The following NUP62CL variants were observed in gnomAD, a reference collection of about 807,000 sequenced individuals.
NUP62CL encodes the protein nucleoporin 62 C-terminal like.
In NUP62CL, 13 loss-of-function variants were observed where a neutral mutation model predicts 15.3. That is an observed-to-expected ratio of 0.85 (90% CI 0.55 to 1.35). The LOEUF (loss-of-function observed/expected upper bound fraction) is 1.35. Ranked by LOEUF, NUP62CL falls within the 40% of genes most tolerant of loss-of-function variation. NUP62CL has a pLI of 0.00. For missense variants in NUP62CL, 123 were observed against 130.6 expected, an observed-to-expected ratio of 0.94 and a Z score of 0.28; for synonymous variants, 54 against 49.2, an observed-to-expected ratio of 1.10 and a Z score of -0.41.
chrX:107,195,111 G>A (rs762173812), intron 1 of NUP62CL, among the ~76,000 whole-genome samples: 1 of 110,876 alleles, frequency 9.0e-6, no homozygotes, highest in African/African-American at 3.3e-5. Flanking sequence ...CACCGTGCCA[G>A]GCCCCAATTG....
intron 1 of NUP62CL, among the ~76,000 whole-genome samples, chrX:107,203,521 C>G (rs758621198): frequency 2.8e-4 from 31 of 111,090 alleles, no homozygotes; most frequent in African/African-American, 9.8e-4. Flanking sequence ...GCTGGGATTA[C>G]AGGTGTGAGC....
chrX:107,141,949 A>G (rs1925779294), intron 8 of NUP62CL, among the ~76,000 whole-genome samples: 1 of 109,083 alleles, frequency 9.2e-6, no homozygotes, highest in Non-Finnish European at 1.9e-5. Flanking sequence ...AGTCCCAGCT[A>G]CTCGGGAGGC....
At chrX:107,128,446 G>A (rs1408698594) in intron 8 of NUP62CL, among the ~76,000 whole-genome samples, 1 of 111,768 alleles carries the variant, frequency 8.9e-6, no homozygotes, top group East Asian at 2.8e-4. Flanking sequence ...CCATATATTG[G>A]ACCCCAAGCT....
At chrX:107,126,529 A>T (rs893847531) in intron 8 of NUP62CL, among the ~76,000 whole-genome samples, 5 of 112,366 alleles carry the variant, frequency 4.4e-5, no homozygotes, top group Admixed American at 1.9e-4. Flanking sequence ...AGCCATAGAG[A>T]TCAATGAAAC....
intron 1 of NUP62CL, among the ~76,000 whole-genome samples, chrX:107,196,696 C>T (rs773936964): frequency 5.4e-5 from 6 of 111,769 alleles, no homozygotes; most frequent in African/African-American, 1.6e-4. Context: ...GTGATCCACC[C>T]GCCTTAGCCT....
intron 4 of NUP62CL, among the ~76,000 whole-genome samples, chrX:107,163,431 G>C (rs139654468): frequency 0.025 from 2,747 of 110,723 alleles, 98 homozygotes; most frequent in African/African-American, 0.085. Flanking sequence ...ACTGACAGCA[G>C]GGTAAAAAAA....
chrX:107,170,055 C>T (rs1195140697), intron 3 of NUP62CL, among the ~76,000 whole-genome samples: 2 of 107,800 alleles, frequency 1.9e-5, no homozygotes, highest in Non-Finnish European at 3.8e-5. Flanking sequence ...ACTAAAAATA[C>T]AAAAATCAGC....
At position 107,184,291 on chromosome X, in the gene NUP62CL, AAAGAGAAGAAAG is replaced by A. The variant is rs1569364409; in HGVS notation, c.-48+8726_-48+8737del. 8.4e-3 allele frequency among the ~76,000 whole-genome samples: 796 copies of A among 95,113 alleles called. 21 individuals carry two copies. The highest frequency in any genetic ancestry group is 0.029 in the African/African-American group (750 of 26,228). The allele number at this position is 95,113 out of a possible 115,157, so 82.6% of individuals were successfully genotyped here. ...TGAAAAAACCCGCCTCAGCACAAAAAAAGAGAAGAAAGAAAGAAAGAAAGAAAGAAAGAAAGA... is the reference window on the plus strand; with the variant it reads ...TGAAAAAACCCGCCTCAGCACAAAAAAAAGAAAGAAAGAAAGAAAGAAAGA... On this transcript the variant is annotated intron_variant, in intron 2 of 8. Coordinates refer to ENST00000372466, the MANE Select transcript of NUP62CL (RefSeq NM_017681.3).
At chrX:107,131,502 T>C (rs1262950863) in intron 8 of NUP62CL, among the ~76,000 whole-genome samples, 1 of 112,225 alleles carries the variant, frequency 8.9e-6, no homozygotes, top group African/African-American at 3.2e-5. Context: ...ATTAGTGAAA[T>C]TGACAGTTGG....
chrX:107,153,487 C>T lies in NUP62CL; in HGVS notation c.362G>A (p.Gly121Glu), dbSNP rs1269468419. 3 of 1,138,027 alleles carry T rather than the reference C, an allele frequency of 2.6e-6. No homozygotes were observed. Among genetic ancestry groups the T allele is most frequent in the Non-Finnish European group, 3.5e-6 (3 of 851,173 alleles). The allele number at this position is 1,138,027 out of a possible 1,213,427, so 93.8% of individuals were successfully genotyped here. A position where few individuals can be genotyped will look rare whatever the true frequency, so the allele number is the denominator to read the frequency against. ...ATCCAGTTTCACTTTGTTCACTTCT[C>T]CATGTAAAATACGAATCTATAAAGA... ...ENGEMIRILHGEVNKVKLDQK... is the reference protein window; with the variant it reads ...ENGEMIRILHEEVNKVKLDQK... Residue 121 changes from glycine (G) to glutamate (E), a missense_variant, in exon 6 of 9, where the codon GGA becomes GAA. By Grantham distance (98) the Gly-to-Glu change is moderately conservative (BLOSUM62 -2). Transcript: ENST00000372466.
chrX:107,133,633 T>TG (rs1293998852), intron 8 of NUP62CL, among the ~76,000 whole-genome samples: 2 of 112,671 alleles, frequency 1.8e-5, no homozygotes, highest in African/African-American at 3.2e-5. Context: ...CACTGCACCC[T>TG]GCTGAAGGTG....
intron 8 of NUP62CL, among the ~76,000 whole-genome samples, chrX:107,143,275 G>A (rs1333259744): frequency 9.0e-6 from 1 of 111,554 alleles, no homozygotes; most frequent in Non-Finnish European, 1.9e-5. Flanking sequence ...CCAAGGCTAG[G>A]GTGTAGTGAT....
chrX:107,186,324 T>C (rs6622176), intron 2 of NUP62CL, among the ~76,000 whole-genome samples: 27,225 of 111,116 alleles, frequency 0.25, 2,760 homozygotes, highest in East Asian at 0.47. Context: ...CATAATGTTA[T>C]GGGATACATA....
chrX:107,196,958 T>C (rs1480569429), intron 1 of NUP62CL, among the ~76,000 whole-genome samples: 1 of 112,371 alleles, frequency 8.9e-6, no homozygotes, highest in Non-Finnish European at 1.9e-5. Flanking sequence ...TCTATTCCCT[T>C]GTTTTCAACC....
intron 1 of NUP62CL, among the ~76,000 whole-genome samples, chrX:107,204,298 C>T (rs1927557061): frequency 9.0e-6 from 1 of 111,283 alleles, no homozygotes; most frequent in Non-Finnish European, 1.9e-5. Context: ...ACAGCACAAT[C>T]CTGGGAAAGT....
intron 8 of NUP62CL, among the ~76,000 whole-genome samples, chrX:107,133,932 C>A (rs1925578911): frequency 9.0e-6 from 1 of 111,711 alleles, no homozygotes; most frequent in Admixed American, 9.4e-5. Flanking sequence ...AGCGAGACTC[C>A]ATCTCAAAGA....
Position 107,184,080 on chromosome X carries a change from A to ACTT in NUP62CL, c.-47-8888_-47-8887insAAG, listed in dbSNP as rs1158325176. Among the ~76,000 whole-genome samples the ACTT allele has an allele frequency of 1.9e-3, 204 of 107,818 alleles. 2 individuals are homozygous for ACTT. Among genetic ancestry groups the ACTT allele is most frequent in the African/African-American group, 6.5e-3 (193 of 29,750 alleles). 93.6% of individuals were successfully genotyped at this position (107,818 alleles called of 115,157 possible). A position where few individuals can be genotyped will look rare whatever the true frequency, so the allele number is the denominator to read the frequency against. On this transcript the variant is annotated intron_variant, in intron 2 of 8. Coordinates refer to ENST00000372466, the MANE Select transcript of NUP62CL (RefSeq NM_017681.3). Reference sequence around the variant, plus strand: ...TCCCATTCTGCAGTAAAAAGGCAGCACCTCCCCCCCCTCCACCAGAACAAT... The same window carrying ACTT: ...TCCCATTCTGCAGTAAAAAGGCAGCACTTCCTCCCCCCCCTCCACCAGAACAAT...
At chrX:107,167,113 G>T (rs1229342691) in intron 4 of NUP62CL, among the ~76,000 whole-genome samples, 1 of 111,651 alleles carries the variant, frequency 9.0e-6, no homozygotes, top group African/African-American at 3.2e-5. Context: ...ATATACATGT[G>T]ACTCTACAAT....
chrX:107,170,413 C>CTT lies in NUP62CL; in HGVS notation c.59-2631_59-2630dup, dbSNP rs35571930. ...TTTTAAAATGGTATGATTATTTTAA[C>CTT]TTTTTTTTTTTTTTTTTGAGATGGA... On this transcript the variant is annotated intron_variant, in intron 3 of 8. Transcript: ENST00000372466. Among the ~76,000 whole-genome samples the CTT allele has an allele frequency of 1.1e-3, 102 of 94,615 alleles. 2 individuals carry two copies. The highest frequency in any genetic ancestry group is 3.8e-3 in the East Asian group (11 of 2,932). The allele number at this position is 94,615 out of a possible 115,157, so 82.2% of individuals were successfully genotyped here.
Sources: allele counts gnomAD v4.1 joint callset (sites outside exome capture counted in the v4.1 genomes callset), GRCh38; gene constraint gnomAD v4.1.1; transcripts MANE v1.5; gene names NCBI Gene and HGNC (gene_info 2026-07-23, HGNC 2026-07-21).